Variants in MATN2 observed in about 807,000 individuals in gnomAD.
The protein encoded by MATN2 is matrilin 2, also known as matrilin-2.
In MATN2, 69 loss-of-function variants were observed where a neutral mutation model predicts 103.2. The ratio of observed to expected loss-of-function variants is 0.67; its 90% CI spans 0.55 to 0.82. The LOEUF is 0.82. Among genes scored for constraint, MATN2 ranks in the 40% least tolerant of loss-of-function variants. The probability of loss-of-function intolerance (pLI) is 0.00; values close to 1 mark genes in which losing one functional copy is unlikely to be tolerated. For missense variants in MATN2, 1,023 were observed against 1,211.5 expected (o/e 0.84, Z 2.31); for synonymous variants, 429 against 450.2 (o/e 0.95, Z 0.60).
intron 2 of MATN2, among the ~76,000 whole-genome samples, chr8:97,916,601 T>A (rs1199695151): frequency 6.6e-6 from 1 of 152,188 alleles, no homozygotes. Context: ...TCCCATCATT[T>A]AGCTCCCACT....
chr8:97,902,029 A>T (rs1232186029), intron 2 of MATN2, among the ~76,000 whole-genome samples: 1 of 152,070 alleles, frequency 6.6e-6, no homozygotes, highest in East Asian at 1.9e-4. Context: ...CATGTATTTT[A>T]TAAATACATG....
intron 7 of MATN2, among the ~76,000 whole-genome samples, chr8:97,997,924 A>AT (rs1321326120): frequency 3.4e-5 from 5 of 146,912 alleles, no homozygotes; most frequent in African/African-American, 1.3e-4. Context: ...GGCTCAGGTG[A>AT]TTGTCTCACT....
At chr8:97,975,643 T>G (rs1811813133) in intron 5 of MATN2, among the ~76,000 whole-genome samples, 1 of 152,226 alleles carries the variant, frequency 6.6e-6, no homozygotes, top group South Asian at 2.1e-4. Flanking sequence ...TAGGGGATAC[T>G]AAGAAGTGGG....
At chr8:97,882,062 C>T (rs896952055) in intron 1 of MATN2, among the ~76,000 whole-genome samples, 3 of 151,638 alleles carry the variant, frequency 2.0e-5, no homozygotes, top group African/African-American at 7.3e-5. Context: ...GCTGGGATTA[C>T]AGGTGTGCGC....
intron 2 of MATN2, among the ~76,000 whole-genome samples, chr8:97,918,024 G>A (rs1282848653): frequency 6.6e-6 from 1 of 152,156 alleles, no homozygotes; most frequent in African/African-American, 2.4e-5. Flanking sequence ...GGCGGAGGTT[G>A]TAGTGAGCTG....
intron 3 of MATN2, among the ~76,000 whole-genome samples, chr8:97,939,290 C>T (rs933622830): frequency 2.6e-5 from 4 of 152,132 alleles, no homozygotes; most frequent in African/African-American, 4.8e-5. Flanking sequence ...TAAGGCACAT[C>T]GCAGCCTTTC....
At chr8:97,913,017 G>A (rs987703574) in intron 2 of MATN2, among the ~76,000 whole-genome samples, 4 of 152,192 alleles carry the variant, frequency 2.6e-5, no homozygotes, top group Non-Finnish European at 4.4e-5. Flanking sequence ...TCAGGATGGT[G>A]CTGCCACCAG....
At chr8:97,924,895 T>C (rs1477559739) in intron 2 of MATN2, among the ~76,000 whole-genome samples, 2 of 152,108 alleles carry the variant, frequency 1.3e-5, no homozygotes, top group African/African-American at 2.4e-5. Context: ...TTCATATTCA[T>C]CATGAGTATA....
intron 6 of MATN2, 36 bp from the exon 7 acceptor site, chr8:97,994,444 T>A: frequency 6.3e-7 from 1 of 1,586,286 alleles, no homozygotes; most frequent in South Asian, 1.2e-5. Flanking sequence ...CTTTATTGAT[T>A]GGTTTGCCAT....
chr8:97,920,970 C>G (rs1809788401), intron 2 of MATN2, among the ~76,000 whole-genome samples: 1 of 152,164 alleles, frequency 6.6e-6, no homozygotes, highest in South Asian at 2.1e-4. Context: ...CTTGGACTTG[C>G]CATCCTGGCT....
intron 2 of MATN2, among the ~76,000 whole-genome samples, chr8:97,918,095 A>C (rs1244847885): frequency 6.6e-6 from 1 of 152,222 alleles, no homozygotes; most frequent in African/African-American, 2.4e-5. Flanking sequence ...TCTCAAAAAA[A>C]GGAAAAAGTT....
chr8:97,978,792 C>G, intron 5 of MATN2, 94 bp from the exon 6 acceptor site: 1 of 1,152,032 alleles, frequency 8.7e-7, no homozygotes, highest in East Asian at 2.4e-5. Context: ...TAATATTAAT[C>G]CTAATTAATA....
chr8:97,967,396 G>C (rs7008956), intron 5 of MATN2, among the ~76,000 whole-genome samples: 2,685 of 151,702 alleles, frequency 0.018, 73 homozygotes, highest in African/African-American at 0.058. Flanking sequence ...AGTCTGAAGT[G>C]TCATCTGGAG....
chr8:97,930,088 G>C (rs1810125842), intron 2 of MATN2, among the ~76,000 whole-genome samples: 3 of 152,290 alleles, frequency 2.0e-5, no homozygotes, highest in Middle Eastern at 6.8e-3. Flanking sequence ...CACTCGATGT[G>C]CTCCTTCTCT....
At chr8:98,031,530 G>A (rs1358185481) in intron 15 of MATN2, 1 of 152,158 alleles carries the variant, frequency 6.6e-6, no homozygotes, top group Non-Finnish European at 1.5e-5. Context: ...TAAATCAGGA[G>A]AGCTGAAGTG....
At chr8:97,938,682 G>A (rs912802528) in intron 3 of MATN2, among the ~76,000 whole-genome samples, 1 of 152,108 alleles carries the variant, frequency 6.6e-6, no homozygotes, top group Non-Finnish European at 1.5e-5. Flanking sequence ...AATACAGCTA[G>A]TTTTCATTAT....
At chr8:98,032,863 TTTG>T (rs201965873) in intron 16 of MATN2, among the ~76,000 whole-genome samples, 176 bp from the exon 17 acceptor site, 3,734 of 152,134 alleles carry the variant, frequency 0.025, 150 homozygotes, top group African/African-American at 0.085. Flanking sequence ...GTTGTTGTTT[TTTG>T]TTTTTTTAAT....
At chr8:97,947,590 G>C (rs1810794947) in intron 4 of MATN2, among the ~76,000 whole-genome samples, 1 of 151,990 alleles carries the variant, frequency 6.6e-6, no homozygotes, top group Non-Finnish European at 1.5e-5. Context: ...AAATATAAAA[G>C]ATTTCTGAGA....
chr8:98,021,537 G>A (rs184093185), intron 13 of MATN2, among the ~76,000 whole-genome samples: 11 of 152,314 alleles, frequency 7.2e-5, no homozygotes, highest in Admixed American at 7.2e-4. Context: ...TATCAGCCAA[G>A]AGGCTAGGGT....
Sources: allele counts gnomAD v4.1 joint callset (sites outside exome capture counted in the v4.1 genomes callset), GRCh38; gene constraint gnomAD v4.1.1; transcripts MANE v1.5; gene names NCBI Gene and HGNC (gene_info 2026-07-23, HGNC 2026-07-21).